MTMR2: variants seen among roughly 807,000 people sequenced by gnomAD.
The protein encoded by MTMR2 is phosphatidylinositol-3,5-bisphosphate 3-phosphatase MTMR2.
Under a neutral mutation model 86.9 loss-of-function variants are expected in MTMR2, and 55 were observed. That is an observed-to-expected ratio of 0.63 (90% CI 0.51 to 0.79). The LOEUF is 0.79. Ranked by LOEUF, MTMR2 falls within the 30% of genes least tolerant of loss-of-function variation. The pLI, the probability that MTMR2 is intolerant of heterozygous loss-of-function variation, is 0.00. For synonymous variants in MTMR2, 241 were observed against 266.8 expected (o/e 0.90, Z 0.94); for missense variants, 659 against 772.3 (o/e 0.85, Z 1.74).
In MTMR2 at chr11:95,859,648, G is replaced by T. The variant is rs577733333; in HGVS notation, c.469-1016C>A. On this transcript the variant is annotated intron_variant, in intron 5 of 14. Coordinates refer to ENST00000346299, the MANE Select transcript of MTMR2 (RefSeq NM_016156.6). Reference sequence around the variant, plus strand: ...AAGGCCAGCCTGGGCAACATAGTGAGACCTTGTCTCTACAAAAAATTTTTT... The same window carrying T: ...AAGGCCAGCCTGGGCAACATAGTGATACCTTGTCTCTACAAAAAATTTTTT... Among the ~76,000 whole-genome samples, 5 of 152,244 alleles carry T rather than the reference G, an allele frequency of 3.3e-5. No individual in the cohort carries two copies. In the East Asian group the frequency reaches 9.7e-4, roughly 29 times the overall value.
At chr11:95,871,049 C>G (rs547725800) in intron 2 of MTMR2, among the ~76,000 whole-genome samples, 2 of 152,212 alleles carry the variant, frequency 1.3e-5, no homozygotes, top group East Asian at 3.9e-4. Flanking sequence ...ATCCATGCCC[C>G]TACAAAGGAC....
intron 14 of MTMR2, 132 bp downstream of exon 14, chr11:95,836,016 T>C (rs1863256586): frequency 1.1e-6 from 1 of 919,060 alleles, no homozygotes; most frequent in South Asian, 1.3e-5. Context: ...TTTTCTACTA[T>C]ACGATTGTTA....
At chr11:95,890,151 A>T (rs997589004) in intron 1 of MTMR2, among the ~76,000 whole-genome samples, 7 of 152,228 alleles carry the variant, frequency 4.6e-5, no homozygotes, top group Non-Finnish European at 1.0e-4. Flanking sequence ...ACAACATAGT[A>T]TTTCCAACAA....
chr11:95,876,636 T>G (rs1411024471), intron 2 of MTMR2, among the ~76,000 whole-genome samples: 1 of 152,202 alleles, frequency 6.6e-6, no homozygotes, highest in African/African-American at 2.4e-5. Flanking sequence ...ATTAAAACTC[T>G]TACTTCAAAA....
intron 2 of MTMR2, among the ~76,000 whole-genome samples, chr11:95,868,104 A>G (rs1195533243): frequency 6.6e-6 from 1 of 151,734 alleles, no homozygotes; most frequent in East Asian, 1.9e-4. Flanking sequence ...TGTGTCTACT[A>G]TAAATGCAAA....
chr11:95,868,687 T>C (rs772662389), intron 2 of MTMR2, among the ~76,000 whole-genome samples: 57 of 152,070 alleles, frequency 3.7e-4, no homozygotes, highest in Non-Finnish European at 7.4e-4. Context: ...AACAGAGACA[T>C]ACCTAGTTGC....
rs1311759854 is a variant in MTMR2 at position 95,835,169 on chromosome 11, A to G, written c.*121T>C. The G allele has an allele frequency of 1.9e-6, 2 of 1,078,692 alleles. No homozygotes were observed. The highest frequency in any genetic ancestry group is 3.1e-5 in the African/African-American group (2 of 63,604). 66.8% of individuals were successfully genotyped at this position (1,078,692 alleles called of 1,614,324 possible). A position where few individuals can be genotyped will look rare whatever the true frequency, so the allele number is the denominator to read the frequency against. ...TAAACTCATCCTAGAGAGATTTAAA[A>G]TAAATAAAGTGACTGAACTTTCTCT... On this transcript the variant is annotated 3_prime_UTR_variant, in exon 15 of 15. Coordinates refer to ENST00000346299, the MANE Select transcript of MTMR2 (RefSeq NM_016156.6).
At chr11:95,877,863 G>A (rs1865183966) in intron 2 of MTMR2, among the ~76,000 whole-genome samples, 1 of 151,974 alleles carries the variant, frequency 6.6e-6, no homozygotes, top group Non-Finnish European at 1.5e-5. Flanking sequence ...CTAACACCTT[G>A]ATTTCTGATG....
chr11:95,868,399 C>T (rs982324071), intron 2 of MTMR2, among the ~76,000 whole-genome samples: 7 of 149,608 alleles, frequency 4.7e-5, no homozygotes, highest in African/African-American at 1.7e-4. Flanking sequence ...AGAATGACTG[C>T]AAGGACATTT....
At position 95,847,705 on chromosome 11, in the gene MTMR2, C is replaced by G; in HGVS notation, c.1179+9G>C. The G allele has an allele frequency of 6.3e-7, 1 of 1,586,312 alleles. No individual in the cohort carries two copies. Among genetic ancestry groups the G allele is most frequent in the Non-Finnish European group, 8.6e-7 (1 of 1,157,450 alleles). The stretch of plus-strand genomic sequence containing the variant: ...AGTCTTTGTTTGGGATATAGTAACA[C>G]ACACCCACCTTAATATGTTCTAGCC... On this transcript the variant is annotated intron_variant, in intron 10 of 14. Transcript: ENST00000346299.
intron 2 of MTMR2, among the ~76,000 whole-genome samples, chr11:95,867,241 C>T (rs1864648311): frequency 6.6e-6 from 1 of 152,190 alleles, no homozygotes; most frequent in South Asian, 2.1e-4. Flanking sequence ...TCACTTATAA[C>T]GCTGGGCAGT....
chr11:95,853,022 G>A (rs1306934112), intron 7 of MTMR2, among the ~76,000 whole-genome samples: 3 of 145,950 alleles, frequency 2.1e-5, no homozygotes, highest in East Asian at 2.0e-4. Context: ...GTGACACGGC[G>A]AGATTCTAAA....
At chr11:95,888,677 G>A (rs1206095626) in intron 1 of MTMR2, among the ~76,000 whole-genome samples, 3 of 151,724 alleles carry the variant, frequency 2.0e-5, no homozygotes, top group Non-Finnish European at 4.4e-5. Flanking sequence ...AAATAAAGTG[G>A]TGCAGTGTTA....
rs1863160286 is a variant in MTMR2 at position 95,834,398 on chromosome 11, C to CTATT, written c.*888_*891dup. 1 of 152,022 alleles carries CTATT rather than the reference C, an allele frequency of 6.6e-6. No homozygotes were observed. Among genetic ancestry groups the CTATT allele is most frequent in the Non-Finnish European group, 1.5e-5 (1 of 67,952 alleles). The allele number at this position is 152,022 out of a possible 1,614,324, so 9.4% of individuals were successfully genotyped here. On this transcript the variant is annotated 3_prime_UTR_variant, in exon 15 of 15. Coordinates refer to ENST00000346299, the MANE Select transcript of MTMR2 (RefSeq NM_016156.6). ...TGAGCACAGTACTTCTCACTATAAG[C>CTATT]TATTTATACAGAATTCAGAAAAAAT...
chr11:95,841,488 CACATGG>C, intron 12 of MTMR2, 123 bp downstream of exon 12: 2 of 772,786 alleles, frequency 2.6e-6, no homozygotes, highest in Non-Finnish European at 4.7e-6. Context: ...AAATAGCTCT[CACATGG>C]ACATGGAGAT....
At chr11:95,862,863 G>A (rs1864477603) in intron 3 of MTMR2, among the ~76,000 whole-genome samples, 1 of 151,956 alleles carries the variant, frequency 6.6e-6, no homozygotes, top group Non-Finnish European at 1.5e-5. Flanking sequence ...ATACTTATGG[G>A]GAAAATTTTA....
At chr11:95,841,484 C>T (rs998102782) in intron 12 of MTMR2, 133 bp downstream of exon 12, 6 of 756,294 alleles carry the variant, frequency 7.9e-6, no homozygotes, top group African/African-American at 1.7e-5. Flanking sequence ...CAATAAATAG[C>T]TCTCACATGG....
Position 95,834,992 on chromosome 11 carries a change from A to G in MTMR2, c.*298T>C, listed in dbSNP as rs1863194099. 2.6e-6 allele frequency: 1 copy of G among 379,706 alleles called. No individual in the cohort carries two copies. The highest frequency in any genetic ancestry group is 2.1e-5 in the African/African-American group (1 of 48,556). The allele number at this position is 379,706 out of a possible 1,614,324, so 23.5% of individuals were successfully genotyped here. A position where few individuals can be genotyped will look rare whatever the true frequency, so the allele number is the denominator to read the frequency against. On this transcript the variant is annotated 3_prime_UTR_variant, in exon 15 of 15. Coordinates refer to ENST00000346299, the MANE Select transcript of MTMR2 (RefSeq NM_016156.6). Reference sequence around the variant, plus strand: ...ATATTACCAGATGCCAAAAATTTGTAACAGCATTTGCCTTTTAATAGAAAC... The same window carrying G: ...ATATTACCAGATGCCAAAAATTTGTGACAGCATTTGCCTTTTAATAGAAAC...
chr11:95,850,003 T>A, intron 8 of MTMR2, 141 bp from the exon 9 acceptor site: 1 of 786,632 alleles, frequency 1.3e-6, no homozygotes, highest in South Asian at 1.6e-5. Flanking sequence ...CTAAGAAAAA[T>A]CATCACCTTT....
Sources: gnomAD v4.1 joint callset for allele counts (sites outside exome capture counted in the v4.1 genomes callset) on GRCh38, gnomAD v4.1.1 for gene constraint, MANE v1.5 for transcripts, NCBI Gene and HGNC (gene_info 2026-07-23, HGNC 2026-07-21) for gene names.